NKAIN2: variants seen among roughly 807,000 people sequenced by gnomAD.
NKAIN2 encodes the protein sodium/potassium-transporting ATPase subunit beta-1-interacting protein 2.
NKAIN2 carries 14 observed loss-of-function variants against 32.6 expected under a neutral mutation model. That is an observed-to-expected ratio of 0.43 (90% CI 0.28 to 0.67). The LOEUF is 0.67. NKAIN2 is among the 30% of genes least tolerant of loss of function. The probability of loss-of-function intolerance (pLI) is 0.17; values close to 1 mark genes in which losing one functional copy is unlikely to be tolerated. For synonymous variants in NKAIN2, 80 were observed against 87.2 expected, an observed-to-expected ratio of 0.92 and a Z score of 0.46; for missense variants, 198 against 258.3, an observed-to-expected ratio of 0.77 and a Z score of 1.60.
chr6:124,332,575 A>AT (rs60347437), intron 2 of NKAIN2, among the ~76,000 whole-genome samples: 81 of 151,400 alleles, frequency 5.4e-4, no homozygotes, highest in African/African-American at 1.7e-3. Flanking sequence ...AGAGGGCCTT[A>AT]TTTTTTTTTC....
At chr6:124,504,545 A>G (rs550227631) in intron 3 of NKAIN2, among the ~76,000 whole-genome samples, 3 of 152,182 alleles carry the variant, frequency 2.0e-5, no homozygotes, top group Non-Finnish European at 4.4e-5. Context: ...TTGTTTCTCA[A>G]CACTGAATTC....
intron 1 of NKAIN2, among the ~76,000 whole-genome samples, chr6:123,885,317 G>C (rs1448145721): frequency 2.0e-5 from 3 of 152,066 alleles, no homozygotes; most frequent in Admixed American, 1.3e-4. Context: ...CTGATTAGCA[G>C]CTCCAAGACT....
At chr6:124,177,568 T>C (rs187463393) in intron 1 of NKAIN2, among the ~76,000 whole-genome samples, 35 of 152,276 alleles carry the variant, frequency 2.3e-4, no homozygotes, top group Non-Finnish European at 2.8e-4. Context: ...AATCCCTATT[T>C]AGAAATCTCT....
intron 4 of NKAIN2, among the ~76,000 whole-genome samples, chr6:124,734,916 C>T (rs1583759076): frequency 1.3e-5 from 2 of 151,902 alleles, no homozygotes; most frequent in South Asian, 4.1e-4. Flanking sequence ...TTTGAAAATA[C>T]TTCACATGGT....
chr6:124,296,144 T>C (rs116773721), intron 2 of NKAIN2, among the ~76,000 whole-genome samples: 2,130 of 152,210 alleles, frequency 0.014, 57 homozygotes, highest in African/African-American at 0.049. Context: ...TGCAAATTTC[T>C]TCATGGTTAA....
At chr6:124,397,919 G>A (rs1019606106) in intron 3 of NKAIN2, among the ~76,000 whole-genome samples, 1 of 152,050 alleles carries the variant, frequency 6.6e-6, no homozygotes, top group Non-Finnish European at 1.5e-5. Flanking sequence ...GGTTCTCAGA[G>A]TTTATGGTGC....
intron 1 of NKAIN2, among the ~76,000 whole-genome samples, chr6:124,227,803 G>A (rs192004825): frequency 5.2e-4 from 79 of 152,278 alleles, no homozygotes; most frequent in South Asian, 2.1e-3. Flanking sequence ...CCTTCTGGAT[G>A]TGGAACACAC....
chr6:124,726,194 G>A lies in NKAIN2; in HGVS notation c.475-65145G>A, dbSNP rs570558150. On this transcript the variant is annotated intron_variant, in intron 4 of 6. Coordinates refer to ENST00000368417, the MANE Select transcript of NKAIN2 (RefSeq NM_001040214.3). ...AAAGCAGCCAGAAAGCTCCAACTGG[G>A]CGGAGCCCACCACAGCTCAAGGAGG... 8.5e-5 allele frequency among the ~76,000 whole-genome samples: 13 copies of A among 152,342 alleles called. No individual in the cohort carries two copies. The South Asian group carries it at 1.0e-3, about 12-fold the overall frequency.
chr6:124,625,416 T>C (rs903132644), intron 3 of NKAIN2, among the ~76,000 whole-genome samples: 4 of 152,294 alleles, frequency 2.6e-5, no homozygotes, highest in Middle Eastern at 3.4e-3. Context: ...GTGACTCTAC[T>C]GACCAGGGCA....
intron 1 of NKAIN2, among the ~76,000 whole-genome samples, chr6:124,270,028 G>A (rs1416652379): frequency 6.6e-6 from 1 of 152,186 alleles, no homozygotes; most frequent in Non-Finnish European, 1.5e-5. Context: ...CTCTGCTGAT[G>A]CTTTCACTTG....
chr6:123,937,294 A>T (rs1049644683), intron 1 of NKAIN2, among the ~76,000 whole-genome samples: 4 of 152,036 alleles, frequency 2.6e-5, no homozygotes, highest in African/African-American at 9.7e-5. Flanking sequence ...AACTCATTGG[A>T]TGTGTCTTGA....
intron 1 of NKAIN2, among the ~76,000 whole-genome samples, chr6:124,002,714 G>A (rs1014484022): frequency 6.6e-6 from 1 of 151,942 alleles, no homozygotes; most frequent in Non-Finnish European, 1.5e-5. Flanking sequence ...CGCCTTTATT[G>A]CAAAAAAGAA....
chr6:124,129,011 T>C (rs1364549371), intron 1 of NKAIN2, among the ~76,000 whole-genome samples: 1 of 152,190 alleles, frequency 6.6e-6, no homozygotes, highest in Admixed American at 6.5e-5. Context: ...GAATATCTAA[T>C]AAGTCTCCAG....
intron 1 of NKAIN2, among the ~76,000 whole-genome samples, chr6:124,181,282 A>AT (rs149368437): frequency 0.18 from 27,841 of 151,736 alleles, 2,703 homozygotes; most frequent in East Asian, 0.29. Flanking sequence ...CCAGGAAATC[A>AT]TTTTTTTCCT....
At chr6:124,436,532 A>G (rs1437905305) in intron 3 of NKAIN2, among the ~76,000 whole-genome samples, 1 of 152,212 alleles carries the variant, frequency 6.6e-6, no homozygotes, top group African/African-American at 2.4e-5. Context: ...TTGAGAACAT[A>G]GAAACGTATT....
chr6:124,293,469 G>A (rs189315717), intron 2 of NKAIN2, among the ~76,000 whole-genome samples: 17 of 152,028 alleles, frequency 1.1e-4, no homozygotes, highest in Admixed American at 5.9e-4. Context: ...TTTTTCTGTG[G>A]TATAGAATAA....
intron 1 of NKAIN2, among the ~76,000 whole-genome samples, chr6:124,205,599 A>G (rs1229452545): frequency 2.0e-5 from 3 of 151,578 alleles, no homozygotes; most frequent in African/African-American, 7.3e-5. Flanking sequence ...CTGCATATAA[A>G]CAAAACTTCT....
At chr6:124,401,623 G>A (rs1773629715) in intron 3 of NKAIN2, among the ~76,000 whole-genome samples, 1 of 152,104 alleles carries the variant, frequency 6.6e-6, no homozygotes, top group Admixed American at 6.6e-5. Context: ...TGCCATTTCT[G>A]CTGCATATGT....
intron 1 of NKAIN2, among the ~76,000 whole-genome samples, chr6:124,223,530 T>A (rs1349523355): frequency 6.6e-6 from 1 of 152,158 alleles, no homozygotes; most frequent in Non-Finnish European, 1.5e-5. Context: ...ACACTGCTAT[T>A]GTAGAGGCAT....
Sources: gnomAD v4.1 joint callset for allele counts (sites outside exome capture counted in the v4.1 genomes callset) on GRCh38, gnomAD v4.1.1 for gene constraint, MANE v1.5 for transcripts, NCBI Gene and HGNC (gene_info 2026-07-23, HGNC 2026-07-21) for gene names.